The following ARPP21 variants were observed in gnomAD, a reference collection of about 807,000 sequenced individuals.
The protein encoded by ARPP21 is cAMP regulated phosphoprotein 21.
ARPP21 carries 69 observed loss-of-function variants against 113.2 expected under a neutral mutation model. The observed-to-expected ratio is 0.61, with a 90% CI of 0.50 to 0.74. The LOEUF (loss-of-function observed/expected upper bound fraction) is 0.74, where lower values mean the gene tolerates loss of function less well. Ranked by LOEUF, ARPP21 falls within the 30% of genes least tolerant of loss-of-function variation. The pLI is 0.00. For synonymous variants in ARPP21, 368 were observed against 375.5 expected, an observed-to-expected ratio of 0.98 and a Z score of 0.23; for missense variants, 1,070 against 1,037.4, an observed-to-expected ratio of 1.03 and a Z score of -0.43.
At chr3:35,748,114 A>AAG (rs1473597307) in intron 19 of ARPP21, among the ~76,000 whole-genome samples, 1 of 90,724 alleles carries the variant, frequency 1.1e-5, no homozygotes, top group Non-Finnish European at 2.1e-5. Flanking sequence ...AAGAAAGAAG[A>AAG]AAGAAAGAAA....
intron 9 of ARPP21, among the ~76,000 whole-genome samples, chr3:35,703,764 A>T (rs2087491186): frequency 6.6e-6 from 1 of 151,952 alleles, no homozygotes; most frequent in Non-Finnish European, 1.5e-5. Context: ...ATCCAATTAC[A>T]TTCACATATT....
At chr3:35,765,715 T>C (rs1177664947) in intron 19 of ARPP21, among the ~76,000 whole-genome samples, 2 of 152,048 alleles carry the variant, frequency 1.3e-5, no homozygotes, top group African/African-American at 4.8e-5. Context: ...AAGACAAAAA[T>C]AAGTCTTTTA....
At chr3:35,742,944 C>G (rs917477788) in intron 18 of ARPP21, among the ~76,000 whole-genome samples, 2 of 152,114 alleles carry the variant, frequency 1.3e-5, no homozygotes, top group Non-Finnish European at 2.9e-5. Flanking sequence ...GCAAAGAAGT[C>G]TATCAGATCA....
intron 19 of ARPP21, among the ~76,000 whole-genome samples, chr3:35,757,629 A>T (rs2095620864): frequency 6.6e-6 from 1 of 152,156 alleles, no homozygotes; most frequent in Admixed American, 6.6e-5. Context: ...AGAATATTTT[A>T]TAAATTGTGA....
intron 1 of ARPP21, among the ~76,000 whole-genome samples, chr3:35,658,440 G>C (rs1706050258): frequency 6.6e-6 from 1 of 151,964 alleles, no homozygotes; most frequent in Admixed American, 6.6e-5. Flanking sequence ...TGCTTGCTAT[G>C]AGTTAAGATA....
intron 1 of ARPP21, among the ~76,000 whole-genome samples, chr3:35,669,190 A>T (rs879579997): frequency 6.6e-6 from 1 of 152,078 alleles, no homozygotes; most frequent in Admixed American, 6.6e-5. Context: ...GAGCAAAGAA[A>T]GGTAATAATT....
At chr3:35,641,417 T>G (rs1467659878) in intron 1 of ARPP21, 1 of 152,216 alleles carries the variant, frequency 6.6e-6, no homozygotes, top group Admixed American at 6.5e-5. Flanking sequence ...GAAATCATTT[T>G]TCATTTGTTA....
chr3:35,680,051 A>G (rs564142084), intron 2 of ARPP21, 91 bp downstream of exon 2: 2 of 152,452 alleles, frequency 1.3e-5, no homozygotes, highest in Admixed American at 6.6e-5. Flanking sequence ...AGTTCACTGA[A>G]TGTAACCATG....
intron 19 of ARPP21, among the ~76,000 whole-genome samples, chr3:35,775,369 GTTTATAAAAATGTA>G (rs2096329632): frequency 1.3e-5 from 2 of 152,142 alleles, no homozygotes. Flanking sequence ...CTTTCACTGT[GTTTATAAAAATGTA>G]TATGCATATG....
intron 9 of ARPP21, among the ~76,000 whole-genome samples, chr3:35,704,472 G>T (rs955676179): frequency 6.6e-6 from 1 of 151,760 alleles, no homozygotes. Context: ...GGAAGGCCAC[G>T]ATTTTCATTC....
intron 19 of ARPP21, among the ~76,000 whole-genome samples, chr3:35,763,890 A>G (rs1020500588): frequency 6.6e-5 from 10 of 152,120 alleles, no homozygotes; most frequent in Non-Finnish European, 1.3e-4. Context: ...CAGGCCGGGC[A>G]TGGTAGCTCA....
intron 1 of ARPP21, among the ~76,000 whole-genome samples, chr3:35,644,315 C>T (rs912731610): frequency 6.6e-6 from 1 of 151,120 alleles, no homozygotes; most frequent in Non-Finnish European, 1.5e-5. Context: ...TAATTTTGGC[C>T]CTAGATATTG....
intron 19 of ARPP21, among the ~76,000 whole-genome samples, chr3:35,758,679 G>C (rs961699694): frequency 4.6e-5 from 7 of 151,974 alleles, no homozygotes; most frequent in African/African-American, 1.2e-4. Flanking sequence ...CTTTTGACAA[G>C]AATTCAAGCT....
At chr3:35,692,972 TC>T (rs1320081787) in intron 9 of ARPP21, among the ~76,000 whole-genome samples, 1 of 151,684 alleles carries the variant, frequency 6.6e-6, no homozygotes, top group African/African-American at 2.4e-5. Flanking sequence ...ACATAATTTG[TC>T]CTTTAAAACT....
intron 9 of ARPP21, among the ~76,000 whole-genome samples, chr3:35,696,270 T>A (rs564486888): frequency 2.0e-5 from 3 of 151,668 alleles, no homozygotes; most frequent in African/African-American, 7.2e-5. Flanking sequence ...GGAAATAATA[T>A]TTGTGTTCAT....
chr3:35,759,921 T>C lies in ARPP21; in HGVS notation c.2137+15956T>C, dbSNP rs375445548. On this transcript the variant is annotated intron_variant, in intron 19 of 20. Transcript: ENST00000684406. Reference sequence around the variant, plus strand: ...TTCTTATAATATGGCCAACAAACACTAACACTTTGGATTGTTTTACCACCA... The same window carrying C: ...TTCTTATAATATGGCCAACAAACACCAACACTTTGGATTGTTTTACCACCA... Among the ~76,000 whole-genome samples, 39 of 152,160 alleles carry C rather than the reference T, an allele frequency of 2.6e-4. 1 individual carries two copies. In the East Asian group the frequency reaches 5.0e-3, roughly 20 times the overall value.
At chr3:35,708,111 A>G (rs1431731505) in intron 10 of ARPP21, among the ~76,000 whole-genome samples, 1 of 151,894 alleles carries the variant, frequency 6.6e-6, no homozygotes. Flanking sequence ...GTTTCCTCCC[A>G]CTGCCACCAA....
At chr3:35,695,793 G>T (rs1406375494) in intron 9 of ARPP21, among the ~76,000 whole-genome samples, 2 of 151,508 alleles carry the variant, frequency 1.3e-5, no homozygotes, top group Non-Finnish European at 3.0e-5. Context: ...TTTACTAAGA[G>T]CTGGGCATTT....
At chr3:35,674,791 C>T (rs780771239) in intron 1 of ARPP21, among the ~76,000 whole-genome samples, 2 of 151,862 alleles carry the variant, frequency 1.3e-5, no homozygotes, top group African/African-American at 2.4e-5. Flanking sequence ...GAAAGAGACA[C>T]ACATGCCATC....
Sources: gnomAD v4.1 joint callset for allele counts (sites outside exome capture counted in the v4.1 genomes callset) on GRCh38, gnomAD v4.1.1 for gene constraint, MANE v1.5 for transcripts, NCBI Gene and HGNC (gene_info 2026-07-23, HGNC 2026-07-21) for gene names.